THSD7A: variants seen among roughly 807,000 people sequenced by gnomAD.
THSD7A encodes thrombospondin type-1 domain-containing protein 7A.
A neutral mutation model predicts 231.3 loss-of-function variants in THSD7A; 96 were observed. That is an observed-to-expected ratio of 0.41 (90% CI 0.35 to 0.49). THSD7A has a LOEUF of 0.49. THSD7A is among the 20% of genes least tolerant of loss of function. The probability of loss-of-function intolerance (pLI) is 0.05; values close to 1 mark genes in which losing one functional copy is unlikely to be tolerated. For missense variants in THSD7A, 2,290 were observed against 2,070.2 expected (o/e 1.11, Z -2.06); for synonymous variants, 940 against 743.3 (o/e 1.26, Z -4.30).
chr7:11,468,036 A>G (rs1392267766), intron 9 of THSD7A, among the ~76,000 whole-genome samples: 34 of 152,090 alleles, frequency 2.2e-4, no homozygotes, highest in Admixed American at 2.2e-3. Context: ...CTTTTTTAAA[A>G]GAGTAATTTA....
chr7:11,610,382 G>T (rs1780883124), intron 2 of THSD7A, among the ~76,000 whole-genome samples: 1 of 152,114 alleles, frequency 6.6e-6, no homozygotes, highest in African/African-American at 2.4e-5. Flanking sequence ...TGATAAGCAT[G>T]ATGTAGATAA....
At chr7:11,379,530 C>T (rs1216498695) in intron 25 of THSD7A, 100 bp downstream of exon 25, 8 of 1,201,562 alleles carry the variant, frequency 6.7e-6, no homozygotes, top group Non-Finnish European at 9.6e-6. Context: ...ATTTTTATGC[C>T]TCAAGACATG....
At chr7:11,640,676 T>G (rs1387661948) in intron 1 of THSD7A, among the ~76,000 whole-genome samples, 1 of 152,160 alleles carries the variant, frequency 6.6e-6, no homozygotes, top group African/African-American at 2.4e-5. Context: ...AATATTCTCT[T>G]GTCTTCAGAG....
chr7:11,485,967 T>C (rs969248188), intron 6 of THSD7A, among the ~76,000 whole-genome samples: 4 of 152,328 alleles, frequency 2.6e-5, no homozygotes, highest in East Asian at 1.9e-4. Flanking sequence ...ACTCAGCTAA[T>C]TGGAACCCTT....
intron 1 of THSD7A, among the ~76,000 whole-genome samples, chr7:11,776,419 T>C (rs2128173121): frequency 6.6e-6 from 1 of 152,304 alleles, no homozygotes; most frequent in East Asian, 1.9e-4. Flanking sequence ...CAGAATTCTC[T>C]AGAGAGAAAA....
chr7:11,414,667 G>T (rs1470419616), intron 17 of THSD7A, among the ~76,000 whole-genome samples: 2 of 152,194 alleles, frequency 1.3e-5, no homozygotes, highest in Non-Finnish European at 2.9e-5. Context: ...TACTGGTACA[G>T]TCTTCTGAAA....
chr7:11,461,915 G>A (rs1785518967), intron 10 of THSD7A, 96 bp downstream of exon 10: 4 of 1,450,832 alleles, frequency 2.8e-6, no homozygotes, highest in Non-Finnish European at 3.7e-6. Flanking sequence ...GCCTGTGGAA[G>A]GAACAGTGTT....
rs950842991 is a variant in THSD7A at position 11,749,822 on chromosome 7, C to T, written c.190+81935G>A. 5.3e-5 allele frequency among the ~76,000 whole-genome samples: 8 copies of T among 151,910 alleles called. No homozygotes were observed. The East Asian group carries it at 5.8e-4, about 11-fold the overall frequency. On this transcript the variant is annotated intron_variant, in intron 1 of 27. Transcript: ENST00000423059. ...GGTTGATCTCCTAGCCATTCAACGG[C>T]GCTTCAAGGGCCTCTAGGTGAGACA...
At chr7:11,757,267 T>G (rs1402819097) in intron 1 of THSD7A, among the ~76,000 whole-genome samples, 1 of 152,048 alleles carries the variant, frequency 6.6e-6, no homozygotes, top group Non-Finnish European at 1.5e-5. Context: ...TATTTTCATG[T>G]TTAACCATAT....
intron 1 of THSD7A, among the ~76,000 whole-genome samples, chr7:11,739,453 T>C (rs1165639360): frequency 6.6e-6 from 1 of 152,012 alleles, no homozygotes; most frequent in Non-Finnish European, 1.5e-5. Flanking sequence ...GCATGTAATA[T>C]AGGGATGAAG....
intron 11 of THSD7A, among the ~76,000 whole-genome samples, chr7:11,459,072 G>C (rs1205600155): frequency 6.6e-6 from 1 of 152,054 alleles, no homozygotes; most frequent in African/African-American, 2.4e-5. Context: ...CTCCAGTGGT[G>C]TTTTATAAAG....
rs929517542 is a variant in THSD7A at position 11,634,314 on chromosome 7, GAAT to G, written c.1022+1813_1022+1815del. ...TTGTTTAATTCAAACAACTGGATGA[GAAT>G]ATTAGGCTCTATGCAATGGTAGCTA... On this transcript the variant is annotated intron_variant, in intron 2 of 27. Transcript: ENST00000423059. The surrounding 1 kb of genome is among the most constrained non-coding windows in gnomAD (Gnocchi z 4.1). Among the ~76,000 whole-genome samples the G allele has an allele frequency of 2.6e-5, 4 of 152,086 alleles. No homozygotes were observed. Among genetic ancestry groups the G allele is most frequent in the African/African-American group, 9.7e-5 (4 of 41,410 alleles).
At chr7:11,460,820 A>G in intron 10 of THSD7A, 55 bp from the exon 11 acceptor site, 1 of 1,377,638 alleles carries the variant, frequency 7.3e-7, no homozygotes, top group Non-Finnish European at 1.0e-6. Context: ...CCAGCAAATC[A>G]CAGAGACACA....
intron 16 of THSD7A, among the ~76,000 whole-genome samples, chr7:11,420,905 T>G (rs994912959): frequency 1.3e-5 from 2 of 152,200 alleles, no homozygotes; most frequent in African/African-American, 2.4e-5. Flanking sequence ...ATGACTGAAC[T>G]GCTGGGTTTT....
At chr7:11,432,780 G>A (rs565249246) in intron 13 of THSD7A, among the ~76,000 whole-genome samples, 23 of 152,054 alleles carry the variant, frequency 1.5e-4, no homozygotes, top group African/African-American at 4.8e-4. Context: ...GAATATTCTA[G>A]AATGTGTCTT....
At chr7:11,597,497 T>G (rs1780406156) in intron 2 of THSD7A, among the ~76,000 whole-genome samples, 1 of 152,108 alleles carries the variant, frequency 6.6e-6, no homozygotes, top group Non-Finnish European at 1.5e-5. Context: ...TATCCAATGG[T>G]GATTGAGGTG....
chr7:11,748,677 T>G (rs2128163916), intron 1 of THSD7A, among the ~76,000 whole-genome samples: 1 of 152,060 alleles, frequency 6.6e-6, no homozygotes, highest in South Asian at 2.1e-4. Context: ...AGAGTCAACC[T>G]CATAATTCAC....
intron 22 of THSD7A, among the ~76,000 whole-genome samples, chr7:11,405,716 T>G (rs912534609): frequency 1.3e-5 from 2 of 152,234 alleles, no homozygotes; most frequent in African/African-American, 4.8e-5. Flanking sequence ...ACACTGAATC[T>G]GAATAATATC....
chr7:11,417,637 T>C (rs755238235), intron 16 of THSD7A, 34 bp from the exon 17 acceptor site: 6 of 1,585,222 alleles, frequency 3.8e-6, no homozygotes, highest in Non-Finnish European at 5.1e-6. Flanking sequence ...CTAGAAAATA[T>C]ACATACATTC....
Sources: allele counts gnomAD v4.1 joint callset (sites outside exome capture counted in the v4.1 genomes callset), GRCh38; gene constraint gnomAD v4.1.1; non-coding constraint Gnocchi (gnomAD v3.1); transcripts MANE v1.5; gene names NCBI Gene and HGNC (gene_info 2026-07-23, HGNC 2026-07-21).